CRPPA: variants seen among roughly 807,000 people sequenced by gnomAD.
CRPPA encodes CDP-L-ribitol pyrophosphorylase A.
Under a neutral mutation model 52.0 loss-of-function variants are expected in CRPPA, and 43 were observed. The observed-to-expected ratio is 0.83, with a 90% CI of 0.65 to 1.07. CRPPA has a LOEUF of 1.07. CRPPA is among the 50% of genes least tolerant of loss of function. CRPPA has a pLI of 0.00. For missense variants in CRPPA, 629 were observed against 551.7 expected (o/e 1.14, Z -1.40); for synonymous variants, 250 against 203.5 (o/e 1.23, Z -1.94).
chr7:16,254,919 T>C (rs1244758419), intron 8 of CRPPA, among the ~76,000 whole-genome samples: 1 of 151,970 alleles, frequency 6.6e-6, no homozygotes, highest in African/African-American at 2.4e-5. Context: ...CTATTCAACA[T>C]AGTATTGGAA....
intron 3 of CRPPA, among the ~76,000 whole-genome samples, chr7:16,312,765 G>T (rs1304877): frequency 6.6e-6 from 1 of 151,640 alleles, no homozygotes; most frequent in Non-Finnish European, 1.5e-5. Context: ...TCTATTTCTC[G>T]TTTTCTGAAA....
At chr7:16,341,671 A>G (rs1351568475) in intron 3 of CRPPA, among the ~76,000 whole-genome samples, 1 of 144,250 alleles carries the variant, frequency 6.9e-6, no homozygotes, top group Non-Finnish European at 1.5e-5. Context: ...AGGGACTTTA[A>G]TTAATAACGT....
At chr7:16,369,273 G>C (rs187476822) in intron 3 of CRPPA, among the ~76,000 whole-genome samples, 1 of 152,202 alleles carries the variant, frequency 6.6e-6, no homozygotes, top group Non-Finnish European at 1.5e-5. Flanking sequence ...GAGCAAGCAG[G>C]GGGTACATGA....
Position 16,271,270 on chromosome 7 carries a change from T to C in CRPPA, c.933+6859A>G, listed in dbSNP as rs374305287. On this transcript the variant is annotated intron_variant, in intron 6 of 9. Coordinates refer to ENST00000407010, the MANE Select transcript of CRPPA (RefSeq NM_001101426.4). ...GAATATTGGGTTGAACACGCTTATATGCATTTAGAGGTAATGTGATGTATG... is the reference window on the plus strand; with the variant it reads ...GAATATTGGGTTGAACACGCTTATACGCATTTAGAGGTAATGTGATGTATG... Among the ~76,000 whole-genome samples, 16 of 152,268 alleles carry C rather than the reference T, an allele frequency of 1.1e-4. No homozygotes were observed. In the South Asian group the frequency reaches 3.3e-3, roughly 32 times the overall value.
chr7:16,217,100 G>A (rs1447166110), intron 8 of CRPPA, among the ~76,000 whole-genome samples: 64 of 149,336 alleles, frequency 4.3e-4, no homozygotes, highest in African/African-American at 8.9e-4. Flanking sequence ...ATCTGAGAAC[G>A]GGCAGACTGC....
At chr7:16,211,640 C>T (rs1287357311) in intron 9 of CRPPA, among the ~76,000 whole-genome samples, 1 of 152,088 alleles carries the variant, frequency 6.6e-6, no homozygotes, top group African/African-American at 2.4e-5. Context: ...AAGGATCATG[C>T]ATACTTAAAG....
intron 3 of CRPPA, among the ~76,000 whole-genome samples, chr7:16,336,536 A>G (rs1388614025): frequency 7.0e-6 from 1 of 141,872 alleles, no homozygotes; most frequent in Non-Finnish European, 1.5e-5. Flanking sequence ...AAAAAACTTC[A>G]TAAAACCACA....
intron 8 of CRPPA, among the ~76,000 whole-genome samples, chr7:16,236,535 T>C (rs1351518414): frequency 6.6e-6 from 1 of 152,160 alleles, no homozygotes; most frequent in Non-Finnish European, 1.5e-5. Flanking sequence ...TCTAGAAGTT[T>C]CTGGCACTGA....
chr7:16,385,785 C>CT (rs1313114599), intron 2 of CRPPA, among the ~76,000 whole-genome samples: 2 of 152,208 alleles, frequency 1.3e-5, no homozygotes, highest in African/African-American at 4.8e-5. Flanking sequence ...CTGACCCCCC[C>CT]TCACAGGACC....
At chr7:16,175,182 T>C (rs530267041) in intron 9 of CRPPA, among the ~76,000 whole-genome samples, 1 of 152,242 alleles carries the variant, frequency 6.6e-6, no homozygotes, top group African/African-American at 2.4e-5. Flanking sequence ...CTGGACAAAT[T>C]TGAAAGTATG....
At chr7:16,166,529 C>T (rs183920564) in intron 9 of CRPPA, among the ~76,000 whole-genome samples, 47 of 152,302 alleles carry the variant, frequency 3.1e-4, no homozygotes, top group Non-Finnish European at 5.6e-4. Flanking sequence ...ATCCACCCCC[C>T]TCAATCTCTC....
intron 3 of CRPPA, among the ~76,000 whole-genome samples, chr7:16,310,762 T>G (rs1288743860): frequency 2.0e-5 from 3 of 152,052 alleles, no homozygotes; most frequent in Non-Finnish European, 2.9e-5. Context: ...GTATGGAAGC[T>G]AAGGGGTGAA....
At chr7:16,351,453 T>C (rs566374061) in intron 3 of CRPPA, among the ~76,000 whole-genome samples, 1 of 152,070 alleles carries the variant, frequency 6.6e-6, no homozygotes, top group Non-Finnish European at 1.5e-5. Flanking sequence ...CAAAAGAAAT[T>C]ATCATCAGAG....
chr7:16,416,338 C>T (rs1368380360), intron 1 of CRPPA, among the ~76,000 whole-genome samples: 1 of 152,002 alleles, frequency 6.6e-6, no homozygotes, highest in Non-Finnish European at 1.5e-5. Context: ...AAAACTGGAC[C>T]CCTACCTCTC....
At chr7:16,214,661 T>C (rs1782255774) in intron 9 of CRPPA, among the ~76,000 whole-genome samples, 1 of 152,142 alleles carries the variant, frequency 6.6e-6, no homozygotes. Context: ...CCCACAACCA[T>C]GCCTGGCTAA....
chr7:16,134,959 AC>A (rs1782738126), intron 9 of CRPPA, among the ~76,000 whole-genome samples: 2 of 152,178 alleles, frequency 1.3e-5, no homozygotes, highest in East Asian at 1.9e-4. Context: ...TTACTCATAT[AC>A]CTGTTTTGTT....
chr7:16,374,101 T>G (rs961338586), intron 3 of CRPPA, among the ~76,000 whole-genome samples: 1 of 152,122 alleles, frequency 6.6e-6, no homozygotes, highest in African/African-American at 2.4e-5. Flanking sequence ...GATGTGTCTG[T>G]GAGGGTGTTG....
chr7:16,402,227 G>A (rs148789668), intron 2 of CRPPA, among the ~76,000 whole-genome samples: 5 of 152,320 alleles, frequency 3.3e-5, no homozygotes, highest in African/African-American at 1.2e-4. Context: ...TCCCTGAGAA[G>A]TTACAACAGT....
intron 3 of CRPPA, among the ~76,000 whole-genome samples, chr7:16,323,984 C>G (rs757522): frequency 0.91 from 138,375 of 152,206 alleles, 63,070 homozygotes; most frequent in Non-Finnish European, 0.95. Flanking sequence ...GGAAGGAAGG[C>G]AACACAATCA....
Sources: gnomAD v4.1 joint callset for allele counts (sites outside exome capture counted in the v4.1 genomes callset) on GRCh38, gnomAD v4.1.1 for gene constraint, MANE v1.5 for transcripts, NCBI Gene and HGNC (gene_info 2026-07-23, HGNC 2026-07-21) for gene names.